Variants in VPS37B observed in about 807,000 individuals in gnomAD.
VPS37B encodes VPS37B subunit of ESCRT-I.
In VPS37B, 11 loss-of-function variants were observed where a neutral mutation model predicts 21.2. The ratio of observed to expected loss-of-function variants is 0.52; its 90% CI spans 0.33 to 0.86. The LOEUF (loss-of-function observed/expected upper bound fraction) is 0.86. Ranked by LOEUF, VPS37B falls within the 40% of genes least tolerant of loss-of-function variation. The pLI, the probability that VPS37B is intolerant of heterozygous loss-of-function variation, is 0.03. For missense variants in VPS37B, 389 were observed against 374.8 expected, an observed-to-expected ratio of 1.04 and a Z score of -0.31; for synonymous variants, 175 against 159.6, an observed-to-expected ratio of 1.10 and a Z score of -0.73.
At chr12:122,890,076 C>T (rs1447006410) in intron 1 of VPS37B, 2 of 152,156 alleles carry the variant, frequency 1.3e-5, no homozygotes, top group Admixed American at 1.3e-4. Context: ...CGGGGGGTTC[C>T]GCCGGTTGGC....
chr12:122,890,730 C>T (rs546695144), intron 1 of VPS37B, among the ~76,000 whole-genome samples: 26 of 152,276 alleles, frequency 1.7e-4, no homozygotes, highest in Non-Finnish European at 2.4e-4. Flanking sequence ...TCAGTGGCAC[C>T]GAGTACATTC....
intron 1 of VPS37B, chr12:122,886,524 G>C (rs926416651): frequency 6.6e-6 from 1 of 152,142 alleles, no homozygotes; most frequent in African/African-American, 2.4e-5. Context: ...CAGGAGGCTC[G>C]TTTGATGGAG....
At position 122,865,491 on chromosome 12, in the gene VPS37B, G is replaced by C. The variant is rs754738329; in HGVS notation, c.*1625C>G. 7 of 152,270 alleles carry C rather than the reference G, an allele frequency of 4.6e-5. No homozygotes were observed. The highest frequency in any genetic ancestry group is 1.0e-4 in the Non-Finnish European group (7 of 68,060). The allele number at this position is 152,270 out of a possible 1,614,324, so 9.4% of individuals were successfully genotyped here. A position where few individuals can be genotyped will look rare whatever the true frequency, so the allele number is the denominator to read the frequency against. ...GACCGTGGCAGGCTGTGGCATCCCC[G>C]ACAGCGGCCGGTGGCGGAGGTATGG... On this transcript the variant is annotated 3_prime_UTR_variant, in exon 4 of 4. Transcript: ENST00000267202.
chr12:122,867,427 G>C lies in VPS37B; in HGVS notation c.547C>G (p.Leu183Val), dbSNP rs1315482981. 1.2e-6 allele frequency: 2 copies of C among 1,606,602 alleles called. No homozygotes were observed. Among genetic ancestry groups the C allele is most frequent in the African/African-American group, 2.7e-5 (2 of 73,088 alleles). ...TAGGGAAGGGGGGCGGTAGGTGCCA[G>C]TTCGGGCAGCCTGGGGGGCAGCGGG... ...LAPLPPRLPE[L>V]APTAPLPYPA... Residue 183 changes from leucine (L) to valine (V), a missense_variant, in exon 4 of 4, where the codon CTG (leucine) becomes GTG (valine). Coordinates refer to ENST00000267202, the MANE Select transcript of VPS37B (RefSeq NM_024667.3). The surrounding 1 kb of genome is among the most constrained non-coding windows in gnomAD (Gnocchi z 5.5).
At chr12:122,878,371 AAAAGAAAAG>A (rs1166089540) in intron 1 of VPS37B, 1 of 151,500 alleles carries the variant, frequency 6.6e-6, no homozygotes, top group East Asian at 1.9e-4. Flanking sequence ...AAAAAAAAAA[AAAAGAAAAG>A]AAAGAAAAAC....
chr12:122,895,488 C>T (rs1001144473), intron 1 of VPS37B, among the ~76,000 whole-genome samples: 7 of 151,600 alleles, frequency 4.6e-5, no homozygotes, highest in South Asian at 2.1e-4. Context: ...TTACTCTCCC[C>T]GCTCCTCCGA....
chr12:122,891,080 G>A (rs2135713248), intron 1 of VPS37B, among the ~76,000 whole-genome samples: 1 of 152,214 alleles, frequency 6.6e-6, no homozygotes, highest in East Asian at 1.9e-4. Context: ...CTATGAAAAA[G>A]GTTATTGTTA....
intron 1 of VPS37B, chr12:122,889,421 C>T (rs2034378388): frequency 6.6e-6 from 1 of 152,554 alleles, no homozygotes; most frequent in South Asian, 2.0e-4. Context: ...ACAGATTAAC[C>T]TCCCTAAAGA....
At chr12:122,895,335 A>T (rs1429061275) in intron 1 of VPS37B, among the ~76,000 whole-genome samples, 1 of 150,780 alleles carries the variant, frequency 6.6e-6, no homozygotes, top group Non-Finnish European at 1.5e-5. Context: ...GTCCCCCAAA[A>T]CCTACTCTGA....
At chr12:122,892,515 A>G (rs976669477) in intron 1 of VPS37B, among the ~76,000 whole-genome samples, 3 of 152,212 alleles carry the variant, frequency 2.0e-5, no homozygotes, top group South Asian at 2.1e-4. Context: ...AAAAAAAAAA[A>G]AAAGAAATCC....
At position 122,870,999 on chromosome 12, in the gene VPS37B, T is replaced by C. The variant is rs758660448; in HGVS notation, c.174A>G (p.Gly58=). 3 of 1,614,226 alleles carry C rather than the reference T, an allele frequency of 1.9e-6. No individual in the cohort carries two copies. Among genetic ancestry groups the C allele is most frequent in the Non-Finnish European group, 2.5e-6 (3 of 1,180,042 alleles). ...CCAGCTGGGGCTGGTACAAAAGGTT[T>C]CCTTCTGCCAGGCTCCGGTTGCTGG... ...TLASNRSLAE[G]NLLYQPQLDT... The change falls in exon 2 of 4, where the codon GGA becomes GGG. Residue 58 remains glycine (G), a synonymous_variant. Coordinates refer to ENST00000267202, the MANE Select transcript of VPS37B (RefSeq NM_024667.3).
Position 122,889,826 on chromosome 12 carries a change from A to G in VPS37B, c.111+6126T>C, listed in dbSNP as rs1294509252. 3 of 151,926 alleles carry G rather than the reference A, an allele frequency of 2.0e-5. No homozygotes were observed. In the East Asian group the frequency reaches 5.8e-4, roughly 29 times the overall value. 9.4% of individuals were successfully genotyped at this position (151,926 alleles called of 1,614,324 possible). A position where few individuals can be genotyped will look rare whatever the true frequency, so the allele number is the denominator to read the frequency against. The stretch of plus-strand genomic sequence containing the variant: ...CTAAATTAACCACCATGGGGCGCAC[A>G]CCCTGGCACTCCCCCTCACCAGCCC... On this transcript the variant is annotated intron_variant, in intron 1 of 3. Coordinates refer to ENST00000267202, the MANE Select transcript of VPS37B (RefSeq NM_024667.3).
chr12:122,869,773 C>T (rs1045770372), intron 2 of VPS37B, among the ~76,000 whole-genome samples: 1 of 151,734 alleles, frequency 6.6e-6, no homozygotes, highest in Non-Finnish European at 1.5e-5. Flanking sequence ...GACACAGTCT[C>T]GCTCTGTCGC....
intron 1 of VPS37B, chr12:122,879,717 A>G (rs913564467): frequency 6.6e-6 from 1 of 152,224 alleles, no homozygotes; most frequent in African/African-American, 2.4e-5. Context: ...CACTCTTTTA[A>G]TGGTGACCAT....
Position 122,871,822 on chromosome 12 carries a change from C to T in VPS37B, c.112-761G>A, listed in dbSNP as rs1566124746. 11 of 981,808 alleles carry T rather than the reference C, an allele frequency of 1.1e-5. No homozygotes were observed. In the South Asian group the frequency reaches 1.4e-4, roughly 13 times the overall value. The allele number at this position is 981,808 out of a possible 1,614,324, so 60.8% of individuals were successfully genotyped here. ...GAAGGTCTGAGAAAAAAAGGCAAAACGCTCCTAGCAAAACTTAGCCAAAGT... is the reference window on the plus strand; with the variant it reads ...GAAGGTCTGAGAAAAAAAGGCAAAATGCTCCTAGCAAAACTTAGCCAAAGT... On this transcript the variant is annotated intron_variant, in intron 1 of 3. Transcript: ENST00000267202.
chr12:122,894,541 G>A (rs1248100580), intron 1 of VPS37B, among the ~76,000 whole-genome samples: 8 of 152,174 alleles, frequency 5.3e-5, no homozygotes, highest in Non-Finnish European at 1.0e-4. Context: ...GCCCCCACAC[G>A]GGCTCCTGGG....
chr12:122,888,734 C>T (rs1048754308), intron 1 of VPS37B: 1 of 363,606 alleles, frequency 2.8e-6, no homozygotes, highest in Non-Finnish European at 5.7e-6. Context: ...TTTCTCCCCT[C>T]CCTTCGATGG....
intron 1 of VPS37B, 141 bp from the exon 2 acceptor site, chr12:122,871,202 T>C: frequency 7.0e-7 from 1 of 1,427,088 alleles, no homozygotes; most frequent in East Asian, 2.5e-5. Flanking sequence ...GCCAGGCAGA[T>C]GCTACTGACC....
chr12:122,888,931 G>T, intron 1 of VPS37B: 1 of 227,646 alleles, frequency 4.4e-6, no homozygotes, highest in Non-Finnish European at 9.1e-6. Flanking sequence ...CATCCCTCAT[G>T]CTCTGCCTAA....
Sources: gnomAD v4.1 joint callset for allele counts (sites outside exome capture counted in the v4.1 genomes callset) on GRCh38, gnomAD v4.1.1 for gene constraint, Gnocchi (gnomAD v3.1) non-coding constraint, MANE v1.5 for transcripts, NCBI Gene and HGNC (gene_info 2026-07-23, HGNC 2026-07-21) for gene names.